The following WWOX variants were observed in gnomAD, a reference collection of about 807,000 sequenced individuals.
The protein encoded by WWOX is WW domain-containing oxidoreductase.
A neutral mutation model predicts 46.2 loss-of-function variants in WWOX; 69 were observed. That is an observed-to-expected ratio of 1.49 (90% CI 1.23 to 1.82). The LOEUF (loss-of-function observed/expected upper bound fraction) is 1.82. Ranked by LOEUF, WWOX falls within the 40% of genes most tolerant of loss-of-function variation. The pLI, the probability that WWOX is intolerant of heterozygous loss-of-function variation, is 0.00. For synonymous variants in WWOX, 359 were observed against 202.6 expected, an observed-to-expected ratio of 1.77 and a Z score of -6.56; for missense variants, 919 against 542.6, an observed-to-expected ratio of 1.69 and a Z score of -6.89.
intron 8 of WWOX, among the ~76,000 whole-genome samples, chr16:79,007,184 A>T (rs1020189550): frequency 2.0e-5 from 3 of 152,110 alleles, no homozygotes; most frequent in African/African-American, 7.2e-5. Context: ...GGCGTTGAAG[A>T]AGTCAACGAG....
intron 8 of WWOX, among the ~76,000 whole-genome samples, chr16:79,147,063 G>C (rs144443658): frequency 2.0e-5 from 3 of 152,272 alleles, no homozygotes; most frequent in Admixed American, 2.0e-4. Flanking sequence ...AGAATCTATG[G>C]ATCTTATTCA....
chr16:78,525,928 A>G (rs2043454765), intron 8 of WWOX: 1 of 152,120 alleles, frequency 6.6e-6, no homozygotes, highest in East Asian at 1.9e-4. Flanking sequence ...TAAAAATCAT[A>G]TAAGCATGAT....
Position 79,123,347 on chromosome 16 carries a change from C to T in WWOX, c.1057-88261C>T, listed in dbSNP as rs543038080. ...ATCAGGCCCATAAAATACTGCACAT[C>T]TTGGCATCTTACCTATAAAAATAAT... is the stretch of plus-strand genomic sequence containing the variant. On this transcript the variant is annotated intron_variant, in intron 8 of 8. Coordinates refer to ENST00000566780, the MANE Select transcript of WWOX (RefSeq NM_016373.4). 3.3e-5 allele frequency among the ~76,000 whole-genome samples: 5 copies of T among 152,286 alleles called. No homozygotes were observed. The South Asian group carries it at 8.3e-4, about 25-fold the overall frequency.
rs368692796 is a variant in WWOX, at chr16:78,996,658, A to C, written c.1057-214950A>C. Among the ~76,000 whole-genome samples the C allele has an allele frequency of 9.7e-4, 148 of 152,204 alleles. 4 individuals carry two copies. In the South Asian group the frequency reaches 0.026, roughly 27 times the overall value. The stretch of plus-strand genomic sequence containing the variant: ...TCAGGGAGACTCTAGTGTGCTCTAC[A>C]TCCCCCCAAAATGTGGGGACAATAT... On this transcript the variant is annotated intron_variant, in intron 8 of 8. Transcript: ENST00000566780.
chr16:78,110,547 A>T (rs2032433431), intron 3 of WWOX, among the ~76,000 whole-genome samples: 2 of 152,202 alleles, frequency 1.3e-5, no homozygotes, highest in African/African-American at 4.8e-5. Flanking sequence ...AATTCCTGTT[A>T]TAGAGAACCT....
intron 8 of WWOX, among the ~76,000 whole-genome samples, chr16:78,703,499 C>G (rs1315126071): frequency 6.6e-6 from 1 of 151,826 alleles, no homozygotes; most frequent in Non-Finnish European, 1.5e-5. Flanking sequence ...ACCTGTAGCT[C>G]CAGCTACTCA....
chr16:78,749,198 C>T (rs1338071490), intron 8 of WWOX, among the ~76,000 whole-genome samples: 3 of 152,132 alleles, frequency 2.0e-5, no homozygotes, highest in African/African-American at 7.2e-5. Context: ...ACCTGTGTGC[C>T]ATGCATCACA....
Position 78,983,441 on chromosome 16 carries a change from A to G in WWOX, c.1057-228167A>G, listed in dbSNP as rs1167897140. On this transcript the variant is annotated intron_variant, in intron 8 of 8. Coordinates refer to ENST00000566780, the MANE Select transcript of WWOX (RefSeq NM_016373.4). ...GATACATGATGTATTTATCCATAAA[A>G]CTGAACAGGTGTTATGTGTGCCTTT... Among the ~76,000 whole-genome samples the G allele has an allele frequency of 2.6e-5, 4 of 152,194 alleles. No individual in the cohort carries two copies. In the East Asian group the frequency reaches 7.7e-4, roughly 29 times the overall value.
At chr16:79,105,124 G>T (rs1282165855) in intron 8 of WWOX, among the ~76,000 whole-genome samples, 2 of 152,166 alleles carry the variant, frequency 1.3e-5, no homozygotes, top group African/African-American at 2.4e-5. Flanking sequence ...GGGTCTTTGG[G>T]TGGGTCCTGT....
At chr16:79,129,850 G>C (rs940653827) in intron 8 of WWOX, among the ~76,000 whole-genome samples, 5 of 152,178 alleles carry the variant, frequency 3.3e-5, no homozygotes, top group African/African-American at 9.7e-5. Context: ...GGTCAAATTG[G>C]TGCTGAGCAC....
intron 8 of WWOX, among the ~76,000 whole-genome samples, chr16:78,615,201 ACT>A (rs1410391042): frequency 5.3e-5 from 8 of 151,820 alleles, no homozygotes; most frequent in African/African-American, 1.2e-4. Context: ...CATTCTAGAA[ACT>A]CTCTGTTTTT....
intron 8 of WWOX, among the ~76,000 whole-genome samples, chr16:78,819,552 T>C (rs556948610): frequency 5.3e-5 from 8 of 152,356 alleles, no homozygotes; most frequent in Admixed American, 2.0e-4. Flanking sequence ...CAGAACTGCC[T>C]CGGAATTGCC....
intron 5 of WWOX, among the ~76,000 whole-genome samples, chr16:78,308,517 C>T (rs2080176284): frequency 6.6e-6 from 1 of 152,080 alleles, no homozygotes; most frequent in Non-Finnish European, 1.5e-5. Context: ...GATCACTTTG[C>T]AGATAGCAGG....
chr16:78,414,349 A>T (rs1024370944), intron 6 of WWOX, among the ~76,000 whole-genome samples: 7 of 152,172 alleles, frequency 4.6e-5, no homozygotes, highest in African/African-American at 1.7e-4. Context: ...TGGGCAGATC[A>T]CTTGAGGTCA....
rs931971548 is a variant in WWOX, at chr16:78,322,383, A to G, written c.517-64477A>G. Among the ~76,000 whole-genome samples the G allele has an allele frequency of 2.0e-5, 3 of 152,206 alleles. No homozygotes were observed. The East Asian group carries it at 5.8e-4, about 29-fold the overall frequency. On this transcript the variant is annotated intron_variant, in intron 5 of 8. Coordinates refer to ENST00000566780, the MANE Select transcript of WWOX (RefSeq NM_016373.4). ...CTGAAGTTTTTCTTAAGGAAATAGT[A>G]TATGATAATAATGACTAGCACTCAC...
At position 78,099,847 on chromosome 16, in the gene WWOX, G is replaced by T; in HGVS notation, c.69G>T (p.Glu23Asp). The T allele has an allele frequency of 6.3e-7, 1 of 1,581,980 alleles. No homozygotes were observed. The highest frequency in any genetic ancestry group is 8.6e-7 in the Non-Finnish European group (1 of 1,164,936). The part of the protein sequence containing the change: ...DSEDELPPGW[E>D]ERTTKDGWVY... ...AGGACGAGCTGCCTCCGGGCTGGGA[G>T]GAGAGAACCACCAAGGACGGCTGGG... is the stretch of plus-strand genomic sequence containing the variant. Residue 23 changes from glutamate to aspartate, a missense_variant, in exon 1 of 9, where the codon GAG becomes GAT. Physicochemically the swap from Glu to Asp is conservative, Grantham distance 45. Coordinates refer to ENST00000566780, the MANE Select transcript of WWOX (RefSeq NM_016373.4).
At chr16:78,519,637 C>G (rs1272242168) in intron 8 of WWOX, among the ~76,000 whole-genome samples, 1 of 152,018 alleles carries the variant, frequency 6.6e-6, no homozygotes, top group African/African-American at 2.4e-5. Context: ...AAAGCAGGAC[C>G]TTTAGGACAT....
At chr16:78,319,530 G>T (rs1291431539) in intron 5 of WWOX, among the ~76,000 whole-genome samples, 1 of 152,054 alleles carries the variant, frequency 6.6e-6, no homozygotes, top group African/African-American at 2.4e-5. Context: ...CCAATCTGCT[G>T]AGATTACAGG....
intron 5 of WWOX, among the ~76,000 whole-genome samples, chr16:78,216,942 C>G (rs976831049): frequency 6.6e-6 from 1 of 152,188 alleles, no homozygotes; most frequent in African/African-American, 2.4e-5. Flanking sequence ...AGGCTGGTCT[C>G]AAACTCCTGA....
Sources: allele counts gnomAD v4.1 joint callset (sites outside exome capture counted in the v4.1 genomes callset), GRCh38; gene constraint gnomAD v4.1.1; transcripts MANE v1.5; gene names NCBI Gene and HGNC (gene_info 2026-07-23, HGNC 2026-07-21).